PARD3B: variants seen among roughly 807,000 people sequenced by gnomAD.
PARD3B encodes the protein partitioning defective 3 homolog B.
PARD3B carries 103 observed loss-of-function variants against 130.2 expected under a neutral mutation model. That is an observed-to-expected ratio of 0.79 (90% CI 0.67 to 0.93). The LOEUF is 0.93. Among genes scored for constraint, PARD3B ranks in the 40% least tolerant of loss-of-function variants. The pLI is 0.00. For synonymous variants in PARD3B, 583 were observed against 553.2 expected, an observed-to-expected ratio of 1.05 and a Z score of -0.76; for missense variants, 1,609 against 1,499.2, an observed-to-expected ratio of 1.07 and a Z score of -1.21.
chr2:205,440,273 G>T lies in PARD3B; in HGVS notation c.2742-97G>T. 8.2e-7 allele frequency: 1 copy of T among 1,225,826 alleles called. No individual in the cohort carries two copies. Among genetic ancestry groups the T allele is most frequent in the Non-Finnish European group, 1.1e-6 (1 of 870,860 alleles). 75.9% of individuals were successfully genotyped at this position (1,225,826 alleles called of 1,614,324 possible). A position where few individuals can be genotyped will look rare whatever the true frequency, so the allele number is the denominator to read the frequency against. ...GAGTAAACAGGAGAATGACAGCTAA[G>T]AGACGAGGAAGAGTTAACATAAATT... On this transcript the variant is annotated intron_variant, in intron 19 of 22. Coordinates refer to ENST00000406610, the MANE Select transcript of PARD3B (RefSeq NM_001302769.2). This position sits in a 1 kb window ranked among gnomAD's most constrained non-coding sequence, Gnocchi z 4.2.
At chr2:204,835,248 G>A (rs2043985630) in intron 2 of PARD3B, among the ~76,000 whole-genome samples, 1 of 152,210 alleles carries the variant, frequency 6.6e-6, no homozygotes, top group Admixed American at 6.5e-5. Flanking sequence ...TAGATGAGAT[G>A]CATGCTAAGA....
At chr2:205,565,858 A>ATAGTAAT (rs1230303380) in intron 22 of PARD3B, among the ~76,000 whole-genome samples, 1 of 151,668 alleles carries the variant, frequency 6.6e-6, no homozygotes, top group Non-Finnish European at 1.5e-5. Context: ...AGTGGAGAAG[A>ATAGTAAT]TAGTAATTCA....
intron 20 of PARD3B, among the ~76,000 whole-genome samples, chr2:205,480,111 A>C (rs530170285): frequency 6.6e-6 from 1 of 151,904 alleles, no homozygotes; most frequent in African/African-American, 2.4e-5. Flanking sequence ...CACCATGTTG[A>C]CCAGGTTTTT....
At chr2:205,092,107 T>A (rs993970232) in intron 4 of PARD3B, among the ~76,000 whole-genome samples, 1 of 152,054 alleles carries the variant, frequency 6.6e-6, no homozygotes, top group African/African-American at 2.4e-5. Flanking sequence ...GAGGTCAAGG[T>A]GTAAGATGCC....
At chr2:204,812,718 C>A (rs953048301) in intron 2 of PARD3B, among the ~76,000 whole-genome samples, 2 of 152,138 alleles carry the variant, frequency 1.3e-5, no homozygotes, top group Non-Finnish European at 2.9e-5. Context: ...TCCTAGTGCA[C>A]GTGCTACAGC....
intron 2 of PARD3B, among the ~76,000 whole-genome samples, chr2:204,787,644 C>A (rs1371804686): frequency 6.6e-6 from 1 of 152,120 alleles, no homozygotes; most frequent in African/African-American, 2.4e-5. Flanking sequence ...AATTCATGTT[C>A]AGGTATCAGA....
At chr2:204,715,488 T>C (rs1269309918) in intron 2 of PARD3B, among the ~76,000 whole-genome samples, 2 of 151,874 alleles carry the variant, frequency 1.3e-5, no homozygotes, top group African/African-American at 4.8e-5. Flanking sequence ...GTTTTTCTTT[T>C]TTTTTTTTTT....
intron 2 of PARD3B, among the ~76,000 whole-genome samples, chr2:204,801,830 T>C (rs550254413): frequency 6.6e-6 from 1 of 152,340 alleles, no homozygotes; most frequent in East Asian, 1.9e-4. Context: ...TAGTATGATA[T>C]TGGCTGTGGG....
At chr2:204,629,811 T>TG (rs1341124484) in intron 1 of PARD3B, among the ~76,000 whole-genome samples, 1 of 152,234 alleles carries the variant, frequency 6.6e-6, no homozygotes, top group Non-Finnish European at 1.5e-5. Flanking sequence ...CTTATTGAAA[T>TG]GTGTCTCTAA....
intron 4 of PARD3B, among the ~76,000 whole-genome samples, chr2:205,076,925 G>T (rs1250001894): frequency 2.0e-5 from 3 of 152,028 alleles, no homozygotes; most frequent in Non-Finnish European, 4.4e-5. Context: ...TAAATATTCT[G>T]AGTAAACTAC....
chr2:205,047,166 G>T (rs943087927), intron 3 of PARD3B, among the ~76,000 whole-genome samples: 1 of 152,168 alleles, frequency 6.6e-6, no homozygotes, highest in African/African-American at 2.4e-5. Flanking sequence ...AGCACCAAAT[G>T]GCAGTAATAA....
chr2:205,522,381 T>A (rs1005188582), intron 21 of PARD3B, among the ~76,000 whole-genome samples: 1 of 152,064 alleles, frequency 6.6e-6, no homozygotes, highest in African/African-American at 2.4e-5. Context: ...GGTTTTTTAT[T>A]TAAGTTTTTA....
intron 2 of PARD3B, among the ~76,000 whole-genome samples, chr2:204,741,243 C>T (rs1006389838): frequency 6.6e-6 from 1 of 152,144 alleles, no homozygotes; most frequent in Admixed American, 6.6e-5. Flanking sequence ...GAAAAAGATA[C>T]AATTAGTATT....
At chr2:204,755,279 G>A (rs1212245664) in intron 2 of PARD3B, among the ~76,000 whole-genome samples, 1 of 152,110 alleles carries the variant, frequency 6.6e-6, no homozygotes, top group South Asian at 2.1e-4. Context: ...TGATTGGACT[G>A]ATGATCTACT....
chr2:205,517,499 A>G (rs2050841374), intron 21 of PARD3B, among the ~76,000 whole-genome samples: 1 of 152,016 alleles, frequency 6.6e-6, no homozygotes. Context: ...CTACCAGCCT[A>G]TCTATCTTAC....
At chr2:205,005,793 C>T (rs1207445739) in intron 3 of PARD3B, among the ~76,000 whole-genome samples, 1 of 152,122 alleles carries the variant, frequency 6.6e-6, no homozygotes, top group Non-Finnish European at 1.5e-5. Context: ...TGTCAAAAAA[C>T]ATATCATGTT....
In PARD3B at chr2:205,276,952, C is replaced by T. The variant is rs2040972862; in HGVS notation, c.2186-23578C>T. 6.6e-6 allele frequency among the ~76,000 whole-genome samples: 1 copy of T among 152,162 alleles called. No individual in the cohort carries two copies. Among genetic ancestry groups the T allele is most frequent in the African/African-American group, 2.4e-5 (1 of 41,446 alleles). ...GGGGTGAGAGAATTTGTGTGGAACACCTAGCTCCATTTCTGGCACCTAGGA... is the reference window on the plus strand; with the variant it reads ...GGGGTGAGAGAATTTGTGTGGAACATCTAGCTCCATTTCTGGCACCTAGGA... On this transcript the variant is annotated intron_variant, in intron 16 of 22. Coordinates refer to ENST00000406610, the MANE Select transcript of PARD3B (RefSeq NM_001302769.2). The surrounding 1 kb of genome is among the most constrained non-coding windows in gnomAD (Gnocchi z 5.0).
chr2:204,884,844 G>GTATA (rs2046214319), intron 2 of PARD3B, among the ~76,000 whole-genome samples: 1 of 152,104 alleles, frequency 6.6e-6, no homozygotes, highest in Admixed American at 6.6e-5. Context: ...GTATTCCATG[G>GTATA]TATATATGTA....
intron 1 of PARD3B, among the ~76,000 whole-genome samples, chr2:204,632,975 C>T (rs2125142289): frequency 6.6e-6 from 1 of 152,318 alleles, no homozygotes; most frequent in South Asian, 2.1e-4. Context: ...TTTATCCATG[C>T]ATGTGCTGAT....
Sources: gnomAD v4.1 joint callset for allele counts (sites outside exome capture counted in the v4.1 genomes callset) on GRCh38, gnomAD v4.1.1 for gene constraint, Gnocchi (gnomAD v3.1) non-coding constraint, MANE v1.5 for transcripts, NCBI Gene and HGNC (gene_info 2026-07-23, HGNC 2026-07-21) for gene names.